The following LHX8 variants were observed in gnomAD, a reference collection of about 807,000 sequenced individuals.
The protein encoded by LHX8 is LIM/homeobox protein Lhx8.
LHX8 carries 12 observed loss-of-function variants against 40.3 expected under a neutral mutation model. That is an observed-to-expected ratio of 0.30 (90% CI 0.19 to 0.48). The LOEUF is 0.48. Among genes scored for constraint, LHX8 ranks in the 20% least tolerant of loss-of-function variants. The probability of loss-of-function intolerance (pLI) is 0.99; values close to 1 mark genes in which losing one functional copy is unlikely to be tolerated. For synonymous variants in LHX8, 179 were observed against 162.0 expected (o/e 1.10, Z -0.80); for missense variants, 344 against 433.7 (o/e 0.79, Z 1.84).
the LHX8 span, among the ~76,000 whole-genome samples, chr1:75,190,654 A>G: frequency 6.6e-6 from 1 of 152,232 alleles, no homozygotes; most frequent in African/African-American, 2.4e-5. Context: ...CCAAAGGAGA[A>G]AAAGAAACTT....
Position 75,160,981 on chromosome 1 carries a change from AT to A in LHX8, c.*92del, listed in dbSNP as rs1373263106. On this transcript the variant is annotated 3_prime_UTR_variant, in exon 9 of 9. Coordinates refer to ENST00000356261, the MANE Select transcript of LHX8 (RefSeq NM_001256114.2). ...TACCATTGAAAAGATATTACTGTTA[AT>A]TTTTTATTTAACACCTAAAGCATTT... 2.9e-6 allele frequency: 3 copies of A among 1,033,318 alleles called. No homozygotes were observed. Among genetic ancestry groups the A allele is most frequent in the African/African-American group, 3.2e-5 (2 of 62,308 alleles). The allele number at this position is 1,033,318 out of a possible 1,614,324, so 64.0% of individuals were successfully genotyped here. A position where few individuals can be genotyped will look rare whatever the true frequency, so the allele number is the denominator to read the frequency against.
intron 4 of LHX8, among the ~76,000 whole-genome samples, chr1:75,141,924 CAA>C (rs1247580260): frequency 6.6e-6 from 1 of 151,918 alleles, no homozygotes; most frequent in African/African-American, 2.4e-5. Flanking sequence ...AAAATGATTT[CAA>C]AGAGTTTAGT....
chr1:75,129,665 C>T (rs776512679), upstream of LHX8, among the ~76,000 whole-genome samples: 2 of 152,104 alleles, frequency 1.3e-5, no homozygotes, highest in Non-Finnish European at 2.9e-5. Context: ...CCCCAGAAAC[C>T]GAGAAAACCA....
intron 7 of LHX8, among the ~76,000 whole-genome samples, chr1:75,151,777 T>C (rs1648620033): frequency 6.6e-6 from 1 of 152,188 alleles, no homozygotes; most frequent in South Asian, 2.1e-4. Flanking sequence ...CTTATATCAT[T>C]TTGAAGTTGG....
the LHX8 span, among the ~76,000 whole-genome samples, chr1:75,173,673 T>C: frequency 6.6e-6 from 1 of 152,128 alleles, no homozygotes; most frequent in Admixed American, 6.6e-5. Flanking sequence ...TGAGCCACCG[T>C]GCCCAGCCCA....
At chr1:75,157,399 T>C (rs1436627125) in intron 8 of LHX8, among the ~76,000 whole-genome samples, 1 of 152,236 alleles carries the variant, frequency 6.6e-6, no homozygotes, top group Non-Finnish European at 1.5e-5. Context: ...AGAGCAAGTG[T>C]TCACTCAGAT....
intron 7 of LHX8, among the ~76,000 whole-genome samples, chr1:75,155,429 T>C (rs556164916): frequency 2.0e-5 from 3 of 151,952 alleles, no homozygotes; most frequent in African/African-American, 7.2e-5. Flanking sequence ...AGAGATGGAG[T>C]TTCACTGTTT....
intron 1 of LHX8, among the ~76,000 whole-genome samples, chr1:75,135,600 C>G (rs1190862409): frequency 2.0e-5 from 3 of 152,186 alleles, no homozygotes; most frequent in South Asian, 2.1e-4. Context: ...GCGAGCCGCT[C>G]GAGTTCGGGG....
chr1:75,148,024 CTG>C (rs1174421776), intron 6 of LHX8, among the ~76,000 whole-genome samples: 2 of 152,190 alleles, frequency 1.3e-5, no homozygotes, highest in Non-Finnish European at 2.9e-5. Flanking sequence ...TGTTTAGACT[CTG>C]GTAAATTCTT....
Position 75,160,968 on chromosome 1 carries a change from G to C in LHX8, c.*73G>C. ...ATTATGTATAAAATACCATTGAAAA[G>C]ATATTACTGTTAATTTTTTATTTAA... On this transcript the variant is annotated 3_prime_UTR_variant, in exon 9 of 9. Coordinates refer to ENST00000356261, the MANE Select transcript of LHX8 (RefSeq NM_001256114.2). 8.9e-7 allele frequency: 1 copy of C among 1,124,312 alleles called. No homozygotes were observed. Among genetic ancestry groups the C allele is most frequent in the Non-Finnish European group, 1.4e-6 (1 of 739,638 alleles). The allele number at this position is 1,124,312 out of a possible 1,614,324, so 69.6% of individuals were successfully genotyped here.
Position 75,148,664 on chromosome 1 carries a change from G to A in LHX8, c.762G>A (p.Leu254=), listed in dbSNP as rs1648526820. The A allele has an allele frequency of 6.2e-7, 1 of 1,612,604 alleles. No homozygotes were observed. ...AGAAATTGGCAGAAAGGACAGGCTT[G>A]AGCAGACGTGTGATACAGGTGATTA... The part of the protein sequence containing the change: ...TLQKLAERTG[L]SRRVIQVWFQ... Residue 254 remains leucine, a synonymous_variant, in exon 7 of 9, where the codon TTG becomes TTA. Transcript: ENST00000356261.
the LHX8 span, among the ~76,000 whole-genome samples, chr1:75,175,756 T>C: frequency 1.3e-5 from 2 of 152,106 alleles, no homozygotes; most frequent in Non-Finnish European, 2.9e-5. Context: ...ATGTTCTGTG[T>C]TGGTTTGCTG....
At chr1:75,181,385 C>A in the LHX8 span, among the ~76,000 whole-genome samples, 2 of 152,196 alleles carry the variant, frequency 1.3e-5, no homozygotes. Context: ...AGCTTCCTGG[C>A]TGCTTTGTTT....
chr1:75,155,461 C>T (rs532478538), intron 7 of LHX8, among the ~76,000 whole-genome samples: 1 of 152,060 alleles, frequency 6.6e-6, no homozygotes, highest in South Asian at 2.1e-4. Flanking sequence ...GTCTCGATCT[C>T]CTGACCTTGT....
intron 6 of LHX8, among the ~76,000 whole-genome samples, chr1:75,147,332 T>C (rs1016979710): frequency 2.6e-5 from 4 of 152,188 alleles, no homozygotes; most frequent in African/African-American, 9.6e-5. Context: ...AGATTTTCCT[T>C]ACATTGCCAA....
At chr1:75,128,647 T>G (rs1647886855) in intron 1 of LHX8, 2 of 152,214 alleles carry the variant, frequency 1.3e-5, no homozygotes, top group Admixed American at 1.3e-4. Flanking sequence ...TAGGGTTGTG[T>G]GCCATAACGT....
the LHX8 span, among the ~76,000 whole-genome samples, chr1:75,185,309 C>G: frequency 6.6e-6 from 1 of 152,006 alleles, no homozygotes; most frequent in Non-Finnish European, 1.5e-5. Context: ...AAAAAGAAGA[C>G]TTCAGGTCAA....
At chr1:75,177,900 G>T in the LHX8 span, among the ~76,000 whole-genome samples, 3 of 152,132 alleles carry the variant, frequency 2.0e-5, no homozygotes, top group Non-Finnish European at 4.4e-5. Context: ...GTTGAATTTT[G>T]TTGAAGGCCT....
intron 7 of LHX8, among the ~76,000 whole-genome samples, chr1:75,152,973 A>G (rs1297471454): frequency 6.6e-6 from 1 of 152,136 alleles, no homozygotes; most frequent in Admixed American, 6.5e-5. Flanking sequence ...TCTTACTGAT[A>G]TTTATTAATC....
Sources: gnomAD v4.1 joint callset for allele counts (sites outside exome capture counted in the v4.1 genomes callset) on GRCh38, gnomAD v4.1.1 for gene constraint, MANE v1.5 for transcripts, NCBI Gene and HGNC (gene_info 2026-07-23, HGNC 2026-07-21) for gene names.